Variants in LRIF1 observed in about 807,000 individuals in gnomAD.
The protein encoded by LRIF1 is ligand-dependent nuclear receptor-interacting factor 1.
Under a neutral mutation model 52.7 loss-of-function variants are expected in LRIF1, and 32 were observed. The ratio of observed to expected loss-of-function variants is 0.61; its 90% confidence interval spans 0.46 to 0.82. The LOEUF is 0.82. Ranked by LOEUF, LRIF1 falls within the 40% of genes least tolerant of loss-of-function variation. The pLI, the probability that LRIF1 is intolerant of heterozygous loss-of-function variation, is 0.00. For synonymous variants in LRIF1, 323 were observed against 317.4 expected (o/e 1.02, Z -0.19); for missense variants, 887 against 892.0 (o/e 0.99, Z 0.07).
At chr1:110,890,547 A>G in the LRIF1 span, among the ~76,000 whole-genome samples, 3 of 151,906 alleles carry the variant, frequency 2.0e-5, no homozygotes, top group Admixed American at 2.0e-4. Context: ...AGCCTGGGTG[A>G]CAGATTGAGA....
chr1:110,911,568 C>G, the LRIF1 span, among the ~76,000 whole-genome samples: 2 of 151,978 alleles, frequency 1.3e-5, no homozygotes, highest in Admixed American at 1.3e-4. Context: ...AACTTAAGGC[C>G]AATATACCTG....
At chr1:110,919,293 G>A in the LRIF1 span, among the ~76,000 whole-genome samples, 5 of 152,126 alleles carry the variant, frequency 3.3e-5, no homozygotes, top group Non-Finnish European at 7.4e-5. Flanking sequence ...TTAATCTGGT[G>A]GGCACAATCT....
chr1:110,896,792 C>T, the LRIF1 span: 24 of 1,439,990 alleles, frequency 1.7e-5, no homozygotes, highest in South Asian at 4.7e-5. Context: ...TTAATTACCT[C>T]GGAAACTGCA....
Position 110,952,601 on chromosome 1 carries a change from A to C in LRIF1, c.283T>G (p.Leu95Val). ...SSSSTSASVQ[L>V]PIFQPASSSN... ...GAACTGGCTGGCTGAAAAATGGGCA[A>C]TTGAACTGATGCACTTGTGGAAGAG... Residue 95 changes from leucine (L) to valine (V), a missense_variant, in exon 2 of 4, where the codon TTG becomes GTG. Coordinates refer to ENST00000369763, the MANE Select transcript of LRIF1 (RefSeq NM_018372.4). 6.2e-7 allele frequency: 1 copy of C among 1,614,078 alleles called. No individual in the cohort carries two copies. Among genetic ancestry groups the C allele is most frequent in the Non-Finnish European group, 8.5e-7 (1 of 1,179,928 alleles).
intron 1 of LRIF1, among the ~76,000 whole-genome samples, chr1:110,962,771 G>A (rs1038146343): frequency 6.6e-6 from 1 of 151,992 alleles, no homozygotes; most frequent in South Asian, 2.1e-4. Context: ...CATGAGTTTT[G>A]CATCTTAGTT....
rs775107385 is a variant in LRIF1 at position 110,952,277 on chromosome 1, G to A, written c.607C>T (p.Pro203Ser). 14 of 1,614,076 alleles carry A rather than the reference G, an allele frequency of 8.7e-6. 1 individual carries two copies. In the South Asian group the frequency reaches 1.5e-4, roughly 18 times the overall value. Residue 203 changes from proline (P) to serine (S), a missense_variant, in exon 2 of 4, where the codon CCT (proline) becomes TCT (serine). By Grantham distance (74) the Pro-to-Ser change is moderately conservative (BLOSUM62 -1). Coordinates refer to ENST00000369763, the MANE Select transcript of LRIF1 (RefSeq NM_018372.4). ...VKSVPASSLP[P>S]SVQQKILATA... is the part of the protein sequence containing the mutation. ...GCAAGTATCTTTTGCTGCACTGAAG[G>A]AGGCAATGATGACGCTGGTACAGAT... is the stretch of plus-strand genomic sequence containing the variant.
the LRIF1 span, among the ~76,000 whole-genome samples, chr1:110,930,190 T>C: frequency 6.6e-6 from 1 of 152,176 alleles, no homozygotes; most frequent in Non-Finnish European, 1.5e-5. Flanking sequence ...CAACAGTTCT[T>C]CAATTTTTTC....
the LRIF1 span, among the ~76,000 whole-genome samples, chr1:110,909,517 A>G: frequency 3.9e-5 from 6 of 152,038 alleles, no homozygotes; most frequent in East Asian, 1.2e-3. Context: ...GGCTCAAAGT[A>G]AAGGGATGGA....
the LRIF1 span, among the ~76,000 whole-genome samples, chr1:110,909,709 T>A: frequency 4.0e-5 from 6 of 151,018 alleles, no homozygotes; most frequent in African/African-American, 1.5e-4. Flanking sequence ...GTCTCCCAAG[T>A]AGCTGGGATT....
the LRIF1 span, among the ~76,000 whole-genome samples, chr1:110,876,812 A>G: frequency 1.3e-5 from 2 of 152,192 alleles, no homozygotes; most frequent in African/African-American, 4.8e-5. Context: ...AAAGGTTGAA[A>G]AAATATTATG....
At chr1:110,919,348 G>A in the LRIF1 span, among the ~76,000 whole-genome samples, 1 of 152,120 alleles carries the variant, frequency 6.6e-6, no homozygotes, top group Non-Finnish European at 1.5e-5. Flanking sequence ...AACTCGAAAA[G>A]GTGTGACTGG....
chr1:110,943,570 CTCT>C (rs753215033), downstream of LRIF1: 4 of 151,988 alleles, frequency 2.6e-5, no homozygotes, highest in Admixed American at 6.6e-5. Context: ...CTAATTTAAT[CTCT>C]TCTTCTTCCA....
chr1:110,916,360 A>G, the LRIF1 span, among the ~76,000 whole-genome samples: 81,689 of 151,926 alleles, frequency 0.54, 22,640 homozygotes, highest in East Asian at 0.7. Flanking sequence ...GATTAATTTT[A>G]GACTTGTAGG....
At chr1:110,939,568 A>G in the LRIF1 span, 1 of 152,182 alleles carries the variant, frequency 6.6e-6, no homozygotes, top group African/African-American at 2.4e-5. Context: ...TGGAGGAATC[A>G]TATTACCTGA....
the LRIF1 span, among the ~76,000 whole-genome samples, chr1:110,875,439 G>T: frequency 6.6e-6 from 1 of 152,174 alleles, no homozygotes; most frequent in Non-Finnish European, 1.5e-5. Context: ...CCTCAACCTA[G>T]ATTTTCACTT....
At chr1:110,906,733 A>G in the LRIF1 span, among the ~76,000 whole-genome samples, 9 of 152,306 alleles carry the variant, frequency 5.9e-5, no homozygotes, top group South Asian at 1.9e-3. Context: ...AATATTTTAT[A>G]TATGTCCATT....
chr1:110,945,800 C>T (rs954710544), downstream of LRIF1, among the ~76,000 whole-genome samples: 8 of 152,172 alleles, frequency 5.3e-5, no homozygotes, highest in Non-Finnish European at 7.3e-5. Flanking sequence ...AGTGATGATT[C>T]ATGAAATTAC....
chr1:110,886,869 A>ATATATATATATATATATATATTT, the LRIF1 span, among the ~76,000 whole-genome samples: 5 of 82,784 alleles, frequency 6.0e-5, no homozygotes, highest in Admixed American at 1.4e-4. Flanking sequence ...ATATATATAT[A>ATATATATATATATATATATATTT]TTTTTTTTTT....
At chr1:110,892,881 A>G in the LRIF1 span, 1 of 203,264 alleles carries the variant, frequency 4.9e-6, no homozygotes, top group Admixed American at 5.2e-5. Context: ...GCTAGCTATT[A>G]TTATGTACTT....
Sources: allele counts gnomAD v4.1 joint callset (sites outside exome capture counted in the v4.1 genomes callset), GRCh38; gene constraint gnomAD v4.1.1; transcripts MANE v1.5; gene names NCBI Gene and HGNC (gene_info 2026-07-23, HGNC 2026-07-21).